Variants in ZNF804B observed in about 807,000 individuals in gnomAD.
ZNF804B encodes the protein zinc finger 804B.
Under a neutral mutation model 101.4 loss-of-function variants are expected in ZNF804B, and 80 were observed. The ratio of observed to expected loss-of-function variants is 0.79; its 90% confidence interval spans 0.66 to 0.95. The LOEUF is 0.95. Ranked by LOEUF, ZNF804B falls within the 40% of genes least tolerant of loss-of-function variation. ZNF804B has a pLI of 0.00. For missense variants in ZNF804B, 1,673 were observed against 1,561.9 expected (o/e 1.07, Z -1.20); for synonymous variants, 622 against 558.8 (o/e 1.11, Z -1.59).
chr7:88,940,774 T>G (rs1375831846), intron 1 of ZNF804B, among the ~76,000 whole-genome samples: 1 of 130,254 alleles, frequency 7.7e-6, no homozygotes, highest in East Asian at 2.2e-4. Context: ...TTTAAAATAA[T>G]AATAATAATA....
At chr7:89,068,028 C>T (rs1180521281) in intron 1 of ZNF804B, among the ~76,000 whole-genome samples, 1 of 150,262 alleles carries the variant, frequency 6.7e-6, no homozygotes, top group African/African-American at 2.5e-5. Context: ...AAAGTTTAAA[C>T]AAGATAATCC....
At chr7:88,998,270 C>T (rs933742717) in intron 1 of ZNF804B, among the ~76,000 whole-genome samples, 3 of 151,998 alleles carry the variant, frequency 2.0e-5, no homozygotes, top group African/African-American at 7.2e-5. Flanking sequence ...CCACAACGCT[C>T]ATCACTTTAA....
At chr7:89,196,724 C>T (rs905678428) in intron 1 of ZNF804B, among the ~76,000 whole-genome samples, 1 of 151,628 alleles carries the variant, frequency 6.6e-6, no homozygotes, top group Non-Finnish European at 1.5e-5. Context: ...GCAATCTATC[C>T]ATCCAAAAAA....
chr7:88,910,571 T>C (rs1054454596), intron 1 of ZNF804B, among the ~76,000 whole-genome samples: 2 of 151,858 alleles, frequency 1.3e-5, no homozygotes, highest in Non-Finnish European at 2.9e-5. Flanking sequence ...GGCTGGTAAA[T>C]AGTAGATGCT....
In ZNF804B at chr7:89,336,312, A is replaced by G; in HGVS notation, c.3330A>G (p.Val1110=). 3 of 1,613,976 alleles carry G rather than the reference A, an allele frequency of 1.9e-6. No homozygotes were observed. The highest frequency in any genetic ancestry group is 2.5e-6 in the Non-Finnish European group (3 of 1,179,964). ...LQDVSMHINH[V]EGNINSYYDR... ...ATGTAAGCATGCATATAAATCATGT[A>G]GAGGGAAATATAAACTCTTACTATG... Residue 1110 remains valine, a synonymous_variant, in exon 4 of 4, where the codon GTA becomes GTG. Coordinates refer to ENST00000333190, the MANE Select transcript of ZNF804B (RefSeq NM_181646.5).
Position 89,336,389 on chromosome 7 carries a change from A to G in ZNF804B, c.3407A>G (p.His1136Arg). The stretch of plus-strand genomic sequence containing the variant: ...GTCGAAGACGGATTAGAAATGTGTC[A>G]TAAATCTATCTCTCCCCCTTTAATT... Reference protein sequence around the residue: ...DKVEDGLEMCHKSISPPLIQQ... With the variant: ...DKVEDGLEMCRKSISPPLIQQ... The change falls in exon 4 of 4, where the codon CAT becomes CGT. Residue 1136 changes from histidine to arginine, a missense_variant. Coordinates refer to ENST00000333190, the MANE Select transcript of ZNF804B (RefSeq NM_181646.5). 2 of 1,614,104 alleles carry G rather than the reference A, an allele frequency of 1.2e-6. No individual in the cohort carries two copies. Among genetic ancestry groups the G allele is most frequent in the Non-Finnish European group, 1.7e-6 (2 of 1,180,016 alleles).
At chr7:89,014,184 T>G (rs1788504881) in intron 1 of ZNF804B, among the ~76,000 whole-genome samples, 1 of 152,086 alleles carries the variant, frequency 6.6e-6, no homozygotes, top group African/African-American at 2.4e-5. Flanking sequence ...TGTATAAGAG[T>G]TTCCTACTCT....
At chr7:88,991,107 AT>A (rs1252270420) in intron 1 of ZNF804B, among the ~76,000 whole-genome samples, 1 of 152,160 alleles carries the variant, frequency 6.6e-6, no homozygotes, top group Non-Finnish European at 1.5e-5. Flanking sequence ...GGGGTTGAAA[AT>A]GTAGTCATTC....
intron 3 of ZNF804B, among the ~76,000 whole-genome samples, chr7:89,329,319 G>T (rs550856810): frequency 3.3e-5 from 5 of 151,586 alleles, no homozygotes; most frequent in South Asian, 2.1e-4. Context: ...TGCTCTCTCT[G>T]CTTAAACAGA....
chr7:88,950,181 C>T (rs778504309), intron 1 of ZNF804B, among the ~76,000 whole-genome samples: 12 of 151,778 alleles, frequency 7.9e-5, no homozygotes, highest in African/African-American at 1.2e-4. Context: ...AAAAGATTTA[C>T]GTTGTTATCT....
intron 1 of ZNF804B, among the ~76,000 whole-genome samples, chr7:89,201,782 C>A (rs922245688): frequency 6.6e-6 from 1 of 151,904 alleles, no homozygotes; most frequent in African/African-American, 2.4e-5. Context: ...CTTTGGTCAC[C>A]TTCTTAAGCC....
rs140006566 is a variant in ZNF804B, at chr7:89,097,870, C to G, written c.109-120285C>G. 4.9e-3 allele frequency among the ~76,000 whole-genome samples: 747 copies of G among 152,224 alleles called. 8 individuals are homozygous for G. The highest frequency in any genetic ancestry group is 0.017 in the African/African-American group (693 of 41,552). On this transcript the variant is annotated intron_variant, in intron 1 of 3. Coordinates refer to ENST00000333190, the MANE Select transcript of ZNF804B (RefSeq NM_181646.5). ...ATTTCATTTTCCTACAAATGCATCA[C>G]CTGCTTTTTTCTATAAGCTGCTTGT...
intron 1 of ZNF804B, among the ~76,000 whole-genome samples, chr7:89,212,886 C>T (rs1012665577): frequency 1.2e-4 from 18 of 152,058 alleles, no homozygotes; most frequent in African/African-American, 4.1e-4. Flanking sequence ...GTTAGGTTTC[C>T]TACAGTCATA....
intron 1 of ZNF804B, chr7:88,794,945 G>A: frequency 1.9e-6 from 3 of 1,557,584 alleles, no homozygotes; most frequent in Admixed American, 4.3e-5. Context: ...AAGGACATGA[G>A]GAGTCTTATT....
chr7:88,954,546 C>A (rs77298450), intron 1 of ZNF804B, among the ~76,000 whole-genome samples: 14,684 of 116,926 alleles, frequency 0.13, 959 homozygotes, highest in East Asian at 0.23. Flanking sequence ...GAAACTCTTT[C>A]TAAAACATGC....
At chr7:89,004,481 T>G (rs1035035377) in intron 1 of ZNF804B, among the ~76,000 whole-genome samples, 5 of 151,414 alleles carry the variant, frequency 3.3e-5, no homozygotes, top group East Asian at 1.9e-4. Context: ...GTTTCTGGGG[T>G]TTTTTTTGTT....
At chr7:89,134,167 G>GC (rs1384192735) in intron 1 of ZNF804B, among the ~76,000 whole-genome samples, 2 of 152,034 alleles carry the variant, frequency 1.3e-5, no homozygotes, top group Admixed American at 6.6e-5. Context: ...ACATGTTTTG[G>GC]CAACATTTTG....
In ZNF804B at chr7:89,175,428, T is replaced by G. The variant is rs575273646; in HGVS notation, c.109-42727T>G. 2.6e-5 allele frequency among the ~76,000 whole-genome samples: 4 copies of G among 152,158 alleles called. No individual in the cohort carries two copies. The South Asian group carries it at 8.3e-4, about 32-fold the overall frequency. ...TTCCGGGTGCTCCATTCTATTTCAT[T>G]GGTCTATGTGTTTTTATGTCAGTAC... is the stretch of plus-strand genomic sequence containing the variant. On this transcript the variant is annotated intron_variant, in intron 1 of 3. Coordinates refer to ENST00000333190, the MANE Select transcript of ZNF804B (RefSeq NM_181646.5).
intron 1 of ZNF804B, among the ~76,000 whole-genome samples, chr7:88,951,637 C>T (rs1188407877): frequency 1.9e-4 from 29 of 151,772 alleles, no homozygotes. Context: ...ATCTTTATTA[C>T]AAAAGGTTTC....
Sources: gnomAD v4.1 joint callset for allele counts (sites outside exome capture counted in the v4.1 genomes callset) on GRCh38, gnomAD v4.1.1 for gene constraint, MANE v1.5 for transcripts, NCBI Gene and HGNC (gene_info 2026-07-23, HGNC 2026-07-21) for gene names.